SEMA3D: variants seen among roughly 807,000 people sequenced by gnomAD.
SEMA3D encodes semaphorin-3D.
A neutral mutation model predicts 100.1 loss-of-function variants in SEMA3D; 84 were observed. That is an observed-to-expected ratio of 0.84 (90% CI 0.70 to 1.01). The LOEUF is 1.01. Ranked by LOEUF, SEMA3D falls within the 50% of genes least tolerant of loss-of-function variation. The probability of loss-of-function intolerance (pLI) is 0.00; values close to 1 mark genes in which losing one functional copy is unlikely to be tolerated. For missense variants in SEMA3D, 875 were observed against 934.1 expected, an observed-to-expected ratio of 0.94 and a Z score of 0.82; for synonymous variants, 312 against 320.7, an observed-to-expected ratio of 0.97 and a Z score of 0.29.
chr7:85,148,796 CAT>C (rs568280541), intron 2 of SEMA3D, among the ~76,000 whole-genome samples: 4 of 151,644 alleles, frequency 2.6e-5, no homozygotes, highest in Non-Finnish European at 5.9e-5. Context: ...GCGGTGTGTA[CAT>C]GTGTGTGTGC....
intron 1 of SEMA3D, among the ~76,000 whole-genome samples, chr7:85,180,883 C>T (rs746598371): frequency 8.6e-5 from 13 of 151,474 alleles, no homozygotes; most frequent in Non-Finnish European, 1.3e-4. Flanking sequence ...TGTTTGGTTT[C>T]GTTCATTTGC....
At chr7:85,119,850 C>T (rs1243562050) in intron 3 of SEMA3D, among the ~76,000 whole-genome samples, 2 of 152,096 alleles carry the variant, frequency 1.3e-5, no homozygotes, top group East Asian at 3.9e-4. Context: ...GGCAGAACTG[C>T]TATATCATTC....
At chr7:85,044,918 C>A (rs1790964467) in intron 9 of SEMA3D, among the ~76,000 whole-genome samples, 1 of 151,956 alleles carries the variant, frequency 6.6e-6, no homozygotes, top group Non-Finnish European at 1.5e-5. Flanking sequence ...CTACTCAACT[C>A]CCAATATGTC....
intron 13 of SEMA3D, among the ~76,000 whole-genome samples, chr7:85,021,714 G>A (rs539248595): frequency 6.6e-6 from 1 of 151,708 alleles, no homozygotes; most frequent in Non-Finnish European, 1.5e-5. Flanking sequence ...GGAATACAGT[G>A]CTTTTGTTTT....
intron 14 of SEMA3D, among the ~76,000 whole-genome samples, chr7:85,018,593 GCTTAT>G (rs1293342054): frequency 2.6e-5 from 4 of 151,766 alleles, no homozygotes; most frequent in African/African-American, 9.6e-5. Flanking sequence ...TTCTAAATCT[GCTTAT>G]CTTAACTGCT....
intron 1 of SEMA3D, among the ~76,000 whole-genome samples, chr7:85,162,685 G>T (rs540925689): frequency 6.6e-6 from 1 of 152,218 alleles, no homozygotes; most frequent in East Asian, 1.9e-4. Context: ...TACTGGGAGG[G>T]TGAGGAAAAC....
intron 1 of SEMA3D, among the ~76,000 whole-genome samples, chr7:85,161,958 G>A (rs1411950054): frequency 6.6e-6 from 1 of 152,060 alleles, no homozygotes; most frequent in Non-Finnish European, 1.5e-5. Flanking sequence ...ACTCTAGTCA[G>A]ACTGTCCATT....
At chr7:85,148,418 A>T (rs762715107) in intron 2 of SEMA3D, among the ~76,000 whole-genome samples, 5 of 152,106 alleles carry the variant, frequency 3.3e-5, no homozygotes, top group Non-Finnish European at 7.4e-5. Context: ...TAGTTCAAGG[A>T]CTCTCATATT....
At chr7:85,132,394 A>G (rs1251748638) in intron 2 of SEMA3D, among the ~76,000 whole-genome samples, 4 of 151,928 alleles carry the variant, frequency 2.6e-5, no homozygotes, top group Admixed American at 2.6e-4. Context: ...ACTTTTAATA[A>G]CATTTTAAAC....
intron 3 of SEMA3D, among the ~76,000 whole-genome samples, chr7:85,110,925 T>G (rs745878910): frequency 2.0e-5 from 3 of 152,050 alleles, no homozygotes; most frequent in African/African-American, 4.8e-5. Flanking sequence ...CACATGCTGC[T>G]TTTATCAAAG....
intron 18 of SEMA3D, among the ~76,000 whole-genome samples, chr7:85,000,401 C>T (rs372927235): frequency 1.1e-4 from 16 of 152,114 alleles, no homozygotes; most frequent in African/African-American, 9.7e-5. Context: ...TCACCAAATA[C>T]GTTCTGTGAG....
At chr7:85,033,683 G>A (rs1790608385) in intron 12 of SEMA3D, among the ~76,000 whole-genome samples, 1 of 151,894 alleles carries the variant, frequency 6.6e-6, no homozygotes, top group Non-Finnish European at 1.5e-5. Flanking sequence ...AATATGGCCT[G>A]AATGGTGACA....
chr7:85,182,296 T>A lies in SEMA3D; in HGVS notation c.-173+4382A>T, dbSNP rs570909703. On this transcript the variant is annotated intron_variant, in intron 1 of 18. Coordinates refer to ENST00000284136, the MANE Select transcript of SEMA3D (RefSeq NM_001384900.1). The stretch of plus-strand genomic sequence containing the variant: ...GCATTATCATAAAACTCCCAGTCTC[T>A]CACAATTTTTTATGAGGGGTAAAGC... Among the ~76,000 whole-genome samples, 294 of 152,290 alleles carry A rather than the reference T, an allele frequency of 1.9e-3. 2 individuals are homozygous for A. The highest frequency in any genetic ancestry group is 6.8e-3 in the African/African-American group (282 of 41,586).
chr7:85,065,336 A>T lies in SEMA3D; in HGVS notation c.718+88T>A, dbSNP rs1159961277. ...ATGTTGAGCTAAATTAATTATTCCA[A>T]AACACATTTGAATGAATAATAATAC... On this transcript the variant is annotated intron_variant, in intron 8 of 18. Coordinates refer to ENST00000284136, the MANE Select transcript of SEMA3D (RefSeq NM_001384900.1). 6 of 1,223,986 alleles carry T rather than the reference A, an allele frequency of 4.9e-6. No homozygotes were observed. In the African/African-American group the frequency reaches 9.2e-5, roughly 19 times the overall value. 75.8% of individuals were successfully genotyped at this position (1,223,986 alleles called of 1,614,324 possible). A position where few individuals can be genotyped will look rare whatever the true frequency, so the allele number is the denominator to read the frequency against.
chr7:85,140,723 G>A (rs1790023313), intron 2 of SEMA3D: 1 of 979,306 alleles, frequency 1.0e-6, no homozygotes, highest in Non-Finnish European at 1.2e-6. Context: ...TTTAATACAA[G>A]TTTCTTCTGG....
chr7:85,174,074 A>G (rs1791159225), intron 1 of SEMA3D, among the ~76,000 whole-genome samples: 1 of 152,136 alleles, frequency 6.6e-6, no homozygotes, highest in African/African-American at 2.4e-5. Flanking sequence ...AAGGATGGAG[A>G]TAATACTCTG....
At chr7:85,079,228 T>C (rs1396775484) in intron 5 of SEMA3D, among the ~76,000 whole-genome samples, 1 of 152,182 alleles carries the variant, frequency 6.6e-6, no homozygotes, top group Non-Finnish European at 1.5e-5. Flanking sequence ...AGGTTATACA[T>C]GTAAATCATT....
chr7:85,120,540 C>T (rs1016253510), intron 3 of SEMA3D, among the ~76,000 whole-genome samples: 3 of 151,558 alleles, frequency 2.0e-5, no homozygotes, highest in Non-Finnish European at 2.9e-5. Context: ...TGGTGGTGGG[C>T]ACCTGTAATC....
intron 4 of SEMA3D, among the ~76,000 whole-genome samples, chr7:85,087,581 T>C (rs938460933): frequency 6.6e-6 from 1 of 152,224 alleles, no homozygotes; most frequent in African/African-American, 2.4e-5. Context: ...TGAGTGCTAA[T>C]TCTTACAGAT....
Sources: gnomAD v4.1 joint callset for allele counts (sites outside exome capture counted in the v4.1 genomes callset) on GRCh38, gnomAD v4.1.1 for gene constraint, MANE v1.5 for transcripts, NCBI Gene and HGNC (gene_info 2026-07-23, HGNC 2026-07-21) for gene names.